NUP98: variants seen among roughly 807,000 people sequenced by gnomAD.
NUP98 encodes nucleoporin 98 and 96 precursor, also known as nuclear pore complex protein Nup98-Nup96.
A neutral mutation model predicts 191.9 loss-of-function variants in NUP98; 26 were observed. The observed-to-expected ratio is 0.14, with a 90% CI of 0.10 to 0.19. The LOEUF is 0.19. Among genes scored for constraint, NUP98 ranks in the 10% least tolerant of loss-of-function variants. NUP98 has a pLI of 1.00. For missense variants in NUP98, 1,941 were observed against 2,178.8 expected (o/e 0.89, Z 2.17); for synonymous variants, 808 against 778.4 (o/e 1.04, Z -0.63).
chr11:3,711,812 T>C, intron 20 of NUP98: 1 of 1,019,656 alleles, frequency 9.8e-7, no homozygotes, highest in Non-Finnish European at 1.2e-6. Context: ...CGCAAACATG[T>C]ATATACACAC....
intron 12 of NUP98, among the ~76,000 whole-genome samples, chr11:3,739,233 T>C (rs774991573): frequency 3.3e-5 from 5 of 152,014 alleles, no homozygotes; most frequent in Non-Finnish European, 5.9e-5. Context: ...CAATAAAAAA[T>C]GAGAAAAAAA....
At chr11:3,791,085 C>T (rs73430457) in intron 1 of NUP98, among the ~76,000 whole-genome samples, 24,615 of 151,632 alleles carry the variant, frequency 0.16, 2,140 homozygotes, top group East Asian at 0.22. Flanking sequence ...TTAGTAGAGA[C>T]GGGTTTTCAC....
At chr11:3,791,809 T>A (rs2082361155) in intron 1 of NUP98, among the ~76,000 whole-genome samples, 1 of 144,474 alleles carries the variant, frequency 6.9e-6, no homozygotes, top group South Asian at 2.2e-4. Context: ...GACACTGCAC[T>A]CCAGCCTAGG....
At position 3,700,786 on chromosome 11, in the gene NUP98, C is replaced by T; in HGVS notation, c.3566G>A (p.Arg1189Lys). ...VHLEKLSLRQ[R>K]KPDEDMKLYQ... ...TAATTTCATGTCTTCATCTGGCTTTCTTTGTCTCAAACTGAGTTTTTCTAA... is the reference window on the plus strand; with the variant it reads ...TAATTTCATGTCTTCATCTGGCTTTTTTTGTCTCAAACTGAGTTTTTCTAA... The change falls in exon 24 of 33, where the codon AGA becomes AAA. Residue 1189 changes from arginine to lysine, a missense_variant. Arg to Lys is a conservative substitution (Grantham distance 26). Coordinates refer to ENST00000324932, the MANE Select transcript of NUP98 (RefSeq NM_016320.5). The T allele has an allele frequency of 3.1e-6, 5 of 1,614,122 alleles. No individual in the cohort carries two copies. The highest frequency in any genetic ancestry group is 4.2e-6 in the Non-Finnish European group (5 of 1,180,012).
chr11:3,713,721 C>T, intron 19 of NUP98, 97 bp downstream of exon 19: 1 of 1,157,756 alleles, frequency 8.6e-7, no homozygotes, highest in African/African-American at 1.6e-5. Flanking sequence ...CCCCATCAAT[C>T]AATCAATAGA....
chr11:3,790,160 A>G (rs763694416), intron 1 of NUP98, among the ~76,000 whole-genome samples: 1 of 152,222 alleles, frequency 6.6e-6, no homozygotes, highest in Non-Finnish European at 1.5e-5. Flanking sequence ...AAAGATGTGA[A>G]GTGATGAGTG....
At chr11:3,774,473 C>T (rs1387011876) in intron 5 of NUP98, among the ~76,000 whole-genome samples, 1 of 151,796 alleles carries the variant, frequency 6.6e-6, no homozygotes, top group Non-Finnish European at 1.5e-5. Flanking sequence ...ACCTGCAGTC[C>T]CAGCACTTTG....
At chr11:3,775,259 G>C (rs973827794) in intron 5 of NUP98, among the ~76,000 whole-genome samples, 7 of 152,152 alleles carry the variant, frequency 4.6e-5, no homozygotes, top group African/African-American at 1.7e-4. Flanking sequence ...GCCGGGCATG[G>C]TGGCTCATGC....
chr11:3,702,748 G>C lies in NUP98; in HGVS notation c.3227C>G (p.Ser1076Cys), dbSNP rs759342906. ...GGCTGGGCTGGGCATTGTGAACACA[G>C]AAGTCAGGGGTGGAGGGACAGACCA... ...SSWSVPPPLT[S>C]VFTMPSPAPE... Residue 1076 changes from serine to cysteine, a missense_variant, in exon 23 of 33, where the codon TCT becomes TGT. Around this residue, in one of 6 missense-constraint regions of NUP98, gnomAD observed 1,030 missense variants for 1,115.8 expected, o/e 0.92. Coordinates refer to ENST00000324932, the MANE Select transcript of NUP98 (RefSeq NM_016320.5). The C allele has an allele frequency of 1.5e-5, 25 of 1,614,170 alleles. No homozygotes were observed. The highest frequency in any genetic ancestry group is 2.1e-5 in the Non-Finnish European group (25 of 1,180,040).
chr11:3,685,906 A>G, intron 29 of NUP98, 67 bp downstream of exon 29: 1 of 1,256,696 alleles, frequency 8.0e-7, no homozygotes, highest in Non-Finnish European at 1.2e-6. Context: ...ACCCTGAAAG[A>G]CTGATTCCTT....
At chr11:3,780,676 T>G (rs1040495638) in intron 2 of NUP98, among the ~76,000 whole-genome samples, 4 of 152,080 alleles carry the variant, frequency 2.6e-5, no homozygotes, top group Non-Finnish European at 5.9e-5. Flanking sequence ...TGGCTTATGC[T>G]TGTAATCCCC....
At chr11:3,785,964 AC>A (rs757200915) in intron 1 of NUP98, among the ~76,000 whole-genome samples, 179 of 152,062 alleles carry the variant, frequency 1.2e-3, no homozygotes, top group Non-Finnish European at 2.0e-3. Context: ...CCAAGCTGAA[AC>A]CCCCACCAAG....
intron 29 of NUP98, among the ~76,000 whole-genome samples, chr11:3,684,429 T>C (rs2078074964): frequency 6.6e-6 from 1 of 152,142 alleles, no homozygotes; most frequent in South Asian, 2.1e-4. Context: ...ATTCCTAAGC[T>C]TTTCAATGAC....
chr11:3,698,438 CAT>C (rs1188959376), intron 25 of NUP98, among the ~76,000 whole-genome samples: 3 of 151,870 alleles, frequency 2.0e-5, no homozygotes, highest in Admixed American at 2.0e-4. Flanking sequence ...AATTAGAAGA[CAT>C]AGTTCGGCTG....
intron 1 of NUP98, among the ~76,000 whole-genome samples, chr11:3,792,306 T>G (rs944721893): frequency 3.3e-5 from 5 of 151,784 alleles, no homozygotes; most frequent in African/African-American, 1.2e-4. Context: ...TAATTAAATT[T>G]GTCAACATCT....
At chr11:3,710,256 A>T (rs767280284) in intron 20 of NUP98, among the ~76,000 whole-genome samples, 3 of 152,314 alleles carry the variant, frequency 2.0e-5, no homozygotes, top group Non-Finnish European at 4.4e-5. Context: ...CCACAGAACA[A>T]AATACTCTGC....
intron 16 of NUP98, 83 bp downstream of exon 16, chr11:3,723,074 C>A (rs2079463690): frequency 2.3e-6 from 3 of 1,310,494 alleles, no homozygotes; most frequent in Non-Finnish European, 3.2e-6. Flanking sequence ...AAACAGCTGA[C>A]TTCCATATGT....
In NUP98 at chr11:3,702,638, T is replaced by C; in HGVS notation, c.3337A>G (p.Lys1113Glu). The change falls in exon 23 of 33, where the codon AAA becomes GAA. Residue 1113 changes from lysine to glutamate, a missense_variant. This residue lies in a region of NUP98 where 1,030 missense variants were observed against 1,115.8 expected (regional missense o/e 0.92). Transcript: ENST00000324932. Reference protein sequence around the residue: ...REKSVTYGKGKLLMDMALFMG... With the variant: ...REKSVTYGKGELLMDMALFMG... ...AATAGGGCCATGTCCATCAAGAGTT[T>C]TCCCTTGCCATAGGTGACAGACTTT... 1 of 1,614,112 alleles carries C rather than the reference T, an allele frequency of 6.2e-7. No homozygotes were observed. Among genetic ancestry groups the C allele is most frequent in the Non-Finnish European group, 8.5e-7 (1 of 1,180,024 alleles).
chr11:3,707,920 A>G (rs1443741880), intron 20 of NUP98, among the ~76,000 whole-genome samples: 2 of 151,500 alleles, frequency 1.3e-5, no homozygotes, highest in Admixed American at 1.3e-4. Flanking sequence ...GGTCAACATG[A>G]AGAAACCCTG....
Sources: allele counts gnomAD v4.1 joint callset (sites outside exome capture counted in the v4.1 genomes callset), GRCh38; gene constraint gnomAD v4.1.1; regional missense constraint gnomAD v4.1.1; transcripts MANE v1.5; gene names NCBI Gene and HGNC (gene_info 2026-07-23, HGNC 2026-07-21).